The following SEZ6L variants were observed in gnomAD, a reference collection of about 807,000 sequenced individuals.
SEZ6L encodes seizure 6-like protein.
In SEZ6L, 37 loss-of-function variants were observed where a neutral mutation model predicts 106.2. The ratio of observed to expected loss-of-function variants is 0.35; its 90% CI spans 0.27 to 0.46. The LOEUF is 0.46. SEZ6L is among the 20% of genes least tolerant of loss of function. The probability of loss-of-function intolerance (pLI) is 1.00; values close to 1 mark genes in which losing one functional copy is unlikely to be tolerated. For missense variants in SEZ6L, 1,172 were observed against 1,332.8 expected (o/e 0.88, Z 1.88); for synonymous variants, 541 against 570.4 (o/e 0.95, Z 0.73).
chr22:26,235,153 C>T (rs1437763007), intron 1 of SEZ6L, among the ~76,000 whole-genome samples: 1 of 152,102 alleles, frequency 6.6e-6, no homozygotes, highest in Non-Finnish European at 1.5e-5. Context: ...GCACTATTGG[C>T]ATTTGGGGTT....
At chr22:26,350,945 C>A in intron 11 of SEZ6L, 107 bp from the exon 12 acceptor site, 2 of 1,214,988 alleles carry the variant, frequency 1.6e-6, no homozygotes, top group Non-Finnish European at 2.3e-6. Context: ...CGTGAGCCAC[C>A]GCACCCGGCC....
chr22:26,204,396 C>T (rs939315345), intron 1 of SEZ6L, among the ~76,000 whole-genome samples: 5 of 152,178 alleles, frequency 3.3e-5, no homozygotes, highest in Admixed American at 6.5e-5. Context: ...TGCTAGTCAT[C>T]GTTCTAGGCA....
At chr22:26,172,834 G>C (rs1271855700) in intron 1 of SEZ6L, among the ~76,000 whole-genome samples, 1 of 152,228 alleles carries the variant, frequency 6.6e-6, no homozygotes, top group Non-Finnish European at 1.5e-5. Context: ...CCCGGAGAAT[G>C]CTCCAAGGAA....
intron 1 of SEZ6L, among the ~76,000 whole-genome samples, chr22:26,233,976 A>G (rs1444119792): frequency 6.6e-6 from 1 of 152,212 alleles, no homozygotes; most frequent in Admixed American, 6.5e-5. Flanking sequence ...GGCATTGGGA[A>G]GAAAGGCAGG....
chr22:26,227,775 G>T (rs1026095882), intron 1 of SEZ6L, among the ~76,000 whole-genome samples: 4 of 152,128 alleles, frequency 2.6e-5, no homozygotes, highest in Non-Finnish European at 5.9e-5. Flanking sequence ...TGTCACTTTG[G>T]GTGCTGACTG....
At chr22:26,214,234 C>T (rs1186147124) in intron 1 of SEZ6L, among the ~76,000 whole-genome samples, 1 of 152,182 alleles carries the variant, frequency 6.6e-6, no homozygotes, top group East Asian at 1.9e-4. Flanking sequence ...GCTGTGTGTC[C>T]TAGAGCAGCT....
chr22:26,348,630 A>AAG (rs1345975701), intron 11 of SEZ6L, among the ~76,000 whole-genome samples: 31 of 34,080 alleles, frequency 9.1e-4, no homozygotes, highest in African/African-American at 6.1e-3. Flanking sequence ...GAAAGAAAGA[A>AAG]AGAAAGAAAG....
chr22:26,333,189 T>C (rs1319101998), intron 9 of SEZ6L, among the ~76,000 whole-genome samples: 2 of 152,174 alleles, frequency 1.3e-5, no homozygotes, highest in Non-Finnish European at 2.9e-5. Flanking sequence ...CTGCAGAATG[T>C]GCCCAGAGCA....
chr22:26,304,203 T>C (rs2081539403), intron 5 of SEZ6L, among the ~76,000 whole-genome samples: 1 of 151,806 alleles, frequency 6.6e-6, no homozygotes. Flanking sequence ...AATACAAAAA[T>C]TAGCTGGGCG....
intron 1 of SEZ6L, among the ~76,000 whole-genome samples, chr22:26,253,807 T>C (rs2079703427): frequency 6.6e-6 from 1 of 152,224 alleles, no homozygotes; most frequent in South Asian, 2.1e-4. Context: ...ATCTGCAGTA[T>C]TAAATTTTCA....
intron 12 of SEZ6L, among the ~76,000 whole-genome samples, chr22:26,354,337 G>A (rs1250301139): frequency 6.6e-6 from 1 of 152,204 alleles, no homozygotes; most frequent in Non-Finnish European, 1.5e-5. Flanking sequence ...CAGGGTGACA[G>A]AGGGAGAGAT....
chr22:26,374,544 A>G (rs994817663), intron 14 of SEZ6L, among the ~76,000 whole-genome samples: 3 of 152,220 alleles, frequency 2.0e-5, no homozygotes, highest in Admixed American at 2.0e-4. Context: ...TTTGCCAACC[A>G]GTGAACCATG....
At chr22:26,369,541 C>T (rs1412643043) in intron 13 of SEZ6L, among the ~76,000 whole-genome samples, 3 of 151,266 alleles carry the variant, frequency 2.0e-5, no homozygotes, top group Non-Finnish European at 4.4e-5. Flanking sequence ...GGGTTTTCAC[C>T]GTGTTAGCCA....
rs953860234 is a variant in SEZ6L at position 26,241,877 on chromosome 22, G to A, written c.95-50529G>A. 7.9e-5 allele frequency among the ~76,000 whole-genome samples: 12 copies of A among 152,150 alleles called. 1 individual carries two copies. ...AGTCTGGGCACCAAGGACACCGGGA[G>A]GACAAGCTAGGCTCCCTTAAGGTTT... On this transcript the variant is annotated intron_variant, in intron 1 of 16. Coordinates refer to ENST00000248933, the MANE Select transcript of SEZ6L (RefSeq NM_021115.5).
intron 1 of SEZ6L, among the ~76,000 whole-genome samples, chr22:26,204,269 T>A (rs1287269496): frequency 1.3e-5 from 2 of 152,174 alleles, no homozygotes; most frequent in African/African-American, 4.8e-5. Context: ...GGGAAGTCAG[T>A]CATGACACAG....
At position 26,369,354 on chromosome 22, in the gene SEZ6L, T is replaced by TTTTTTTTTTTTTTTTTTTTA. The variant is rs1568952186; in HGVS notation, c.2794+3791_2794+3792insTTTTTTTTTTTTTTTTATTT. Reference sequence around the variant, plus strand: ...ATATAAGCAGTTCTTTTGTTTTTTTTTTTGAGACAGATTCTCGCTCTGTCC... The same window carrying TTTTTTTTTTTTTTTTTTTTA: ...ATATAAGCAGTTCTTTTGTTTTTTTTTTTTTTTTTTTTTTTTTTTATTTGAGACAGATTCTCGCTCTGTCC... On this transcript the variant is annotated intron_variant, in intron 13 of 16. Coordinates refer to ENST00000248933, the MANE Select transcript of SEZ6L (RefSeq NM_021115.5). Among the ~76,000 whole-genome samples the TTTTTTTTTTTTTTTTTTTTA allele has an allele frequency of 5.9e-5, 7 of 118,700 alleles. 2 individuals carry two copies. Among genetic ancestry groups the TTTTTTTTTTTTTTTTTTTTA allele is most frequent in the African/African-American group, 2.3e-4 (7 of 30,006 alleles). 77.9% of individuals were successfully genotyped at this position (118,700 alleles called of 152,430 possible). A position where few individuals can be genotyped will look rare whatever the true frequency, so the allele number is the denominator to read the frequency against.
chr22:26,208,864 G>C lies in SEZ6L; in HGVS notation c.94+39101G>C, dbSNP rs200265237. ...TGACTCTCTCTCTGTGTGTGTGTGT[G>C]TGTGTGTGTGTGTGTGTGTGTGTGT... is the stretch of plus-strand genomic sequence containing the variant. On this transcript the variant is annotated intron_variant, in intron 1 of 16. Transcript: ENST00000248933. Among the ~76,000 whole-genome samples, 1,244 of 132,728 alleles carry C rather than the reference G, an allele frequency of 9.4e-3. 44 individuals carry two copies. Among genetic ancestry groups the C allele is most frequent in the East Asian group, 0.064 (293 of 4,544 alleles). The allele number at this position is 132,728 out of a possible 152,430, so 87.1% of individuals were successfully genotyped here. A position where few individuals can be genotyped will look rare whatever the true frequency, so the allele number is the denominator to read the frequency against.
intron 1 of SEZ6L, among the ~76,000 whole-genome samples, chr22:26,210,909 C>T (rs2078138639): frequency 6.6e-6 from 1 of 152,204 alleles, no homozygotes; most frequent in Admixed American, 6.5e-5. Context: ...GAAGAGTTGG[C>T]AACCTGGGAC....
At chr22:26,328,532 A>G (rs750149965) in intron 9 of SEZ6L, among the ~76,000 whole-genome samples, 10 of 152,132 alleles carry the variant, frequency 6.6e-5, no homozygotes, top group Non-Finnish European at 1.3e-4. Flanking sequence ...CCGTCTTTGT[A>G]GGCAAAGCAG....
Sources: allele counts gnomAD v4.1 joint callset (sites outside exome capture counted in the v4.1 genomes callset), GRCh38; gene constraint gnomAD v4.1.1; transcripts MANE v1.5; gene names NCBI Gene and HGNC (gene_info 2026-07-23, HGNC 2026-07-21).